The following SLC49A4 variants were observed in gnomAD, a reference collection of about 807,000 sequenced individuals.
The protein encoded by SLC49A4 is solute carrier family 49 member 4.
Under a neutral mutation model 50.6 loss-of-function variants are expected in SLC49A4, and 36 were observed. The ratio of observed to expected loss-of-function variants is 0.71; its 90% confidence interval spans 0.55 to 0.94. SLC49A4 has a LOEUF of 0.94. Ranked by LOEUF, SLC49A4 falls within the 40% of genes least tolerant of loss-of-function variation. The pLI, the probability that SLC49A4 is intolerant of heterozygous loss-of-function variation, is 0.00. For synonymous variants in SLC49A4, 248 were observed against 241.2 expected (o/e 1.03, Z -0.26); for missense variants, 503 against 605.7 (o/e 0.83, Z 1.78).
chr3:122,795,247 CTCGGGCCTGGGCTGGGG>C lies in SLC49A4; in HGVS notation c.56_72del (p.Leu19ArgfsTer120). The C allele has an allele frequency of 7.4e-7, 1 of 1,348,034 alleles. No individual in the cohort carries two copies. The highest frequency in any genetic ancestry group is 9.4e-7 in the Non-Finnish European group (1 of 1,059,284). The allele number at this position is 1,348,034 out of a possible 1,614,324, so 83.5% of individuals were successfully genotyped here. On this transcript the variant is annotated frameshift_variant, in exon 1 of 9. Coordinates refer to ENST00000261038, the MANE Select transcript of SLC49A4 (RefSeq NM_032839.3). LOFTEE classifies it high-confidence loss of function. ...GAGGCAGCCGCTGCTGGGGCCCGGG[CTCGGGCCTGGGCTGGGG>C]GCCTCCTGGAGAAGCCGGGAGGCGG...
At chr3:122,821,559 A>C (rs1936453008) in intron 2 of SLC49A4, among the ~76,000 whole-genome samples, 1 of 152,186 alleles carries the variant, frequency 6.6e-6, no homozygotes, top group Admixed American at 6.5e-5. Context: ...GTGAGGATAC[A>C]CGTGCTTTCA....
intron 7 of SLC49A4, among the ~76,000 whole-genome samples, chr3:122,862,385 A>G (rs183405267): frequency 1.3e-4 from 20 of 152,326 alleles, no homozygotes; most frequent in Non-Finnish European, 1.9e-4. Context: ...TTCTCTGTAC[A>G]CATGCTTTGC....
intron 7 of SLC49A4, among the ~76,000 whole-genome samples, chr3:122,870,885 T>C (rs1937190133): frequency 6.6e-6 from 1 of 151,734 alleles, no homozygotes; most frequent in Non-Finnish European, 1.5e-5. Flanking sequence ...CAATACTCTA[T>C]AGAAGCCACC....
intron 4 of SLC49A4, among the ~76,000 whole-genome samples, chr3:122,836,620 G>C (rs1273942386): frequency 6.6e-6 from 1 of 151,876 alleles, no homozygotes; most frequent in Non-Finnish European, 1.5e-5. Flanking sequence ...GAATCCATCT[G>C]GTCCTAGGAG....
chr3:122,848,017 G>A (rs1048346984), intron 5 of SLC49A4, among the ~76,000 whole-genome samples: 1 of 152,208 alleles, frequency 6.6e-6, no homozygotes, highest in African/African-American at 2.4e-5. Flanking sequence ...CACTTTTCAA[G>A]TGCGGGATAG....
rs1164497683 is a variant in SLC49A4, at chr3:122,795,349, C to A, written c.157C>A (p.Leu53Met). ...CGGGCGGGTATACGGGCGCCGCTGG[C>A]TGGTGCTGCTGCTCTTCTCGCTGCT... ...GPGRVYGRRW[L>M]VLLLFSLLAF... Residue 53 changes from leucine to methionine, a missense_variant, in exon 1 of 9, where the codon CTG becomes ATG. By Grantham distance (15) the Leu-to-Met change is conservative. Coordinates refer to ENST00000261038, the MANE Select transcript of SLC49A4 (RefSeq NM_032839.3). The A allele has an allele frequency of 6.4e-7, 1 of 1,572,676 alleles. No homozygotes were observed. Among genetic ancestry groups the A allele is most frequent in the African/African-American group, 1.4e-5 (1 of 71,640 alleles).
intron 1 of SLC49A4, among the ~76,000 whole-genome samples, chr3:122,803,062 A>G (rs1262293319): frequency 2.6e-5 from 4 of 152,188 alleles, no homozygotes; most frequent in Non-Finnish European, 5.9e-5. Flanking sequence ...TTCCAAATTT[A>G]ATGACTTCTA....
intron 2 of SLC49A4, among the ~76,000 whole-genome samples, chr3:122,821,477 A>G (rs569698759): frequency 6.6e-5 from 10 of 152,358 alleles, no homozygotes; most frequent in Admixed American, 6.5e-4. Context: ...AGGAGGAGGC[A>G]CACATCTGCT....
At chr3:122,814,847 G>A in intron 2 of SLC49A4, among the ~76,000 whole-genome samples, 1 of 151,492 alleles carries the variant, frequency 6.6e-6, no homozygotes, top group South Asian at 2.1e-4. Flanking sequence ...TATTTTATGT[G>A]TGGCCCAAGA....
At chr3:122,842,464 C>T (rs897670180) in intron 4 of SLC49A4, among the ~76,000 whole-genome samples, 9 of 107,986 alleles carry the variant, frequency 8.3e-5, no homozygotes, top group African/African-American at 2.2e-4. Flanking sequence ...CCAGCCTGGG[C>T]GACAGAGCGA....
intron 2 of SLC49A4, among the ~76,000 whole-genome samples, chr3:122,822,729 T>C (rs1415879869): frequency 6.6e-6 from 1 of 152,190 alleles, no homozygotes; most frequent in Non-Finnish European, 1.5e-5. Flanking sequence ...TTCTCAATCA[T>C]CTTGCTCGAC....
chr3:122,862,440 A>G (rs902090214), intron 7 of SLC49A4, among the ~76,000 whole-genome samples: 1 of 152,224 alleles, frequency 6.6e-6, no homozygotes, highest in African/African-American at 2.4e-5. Flanking sequence ...TACAGAGTAA[A>G]ATACTGTGCA....
chr3:122,858,629 AC>A (rs1479438538), intron 6 of SLC49A4, among the ~76,000 whole-genome samples: 2 of 152,226 alleles, frequency 1.3e-5, no homozygotes, highest in Non-Finnish European at 2.9e-5. Flanking sequence ...TCAAATAAGT[AC>A]AAAACAGAAG....
rs145505228 is a variant in SLC49A4, at chr3:122,813,228, G to A, written c.437+6278G>A. ...TGCACTCTACCCTGGGCGATAGAGC[G>A]AGACTCTGTCTCAAAAAAAAAAAAA... On this transcript the variant is annotated intron_variant, in intron 2 of 8. Transcript: ENST00000261038. Among the ~76,000 whole-genome samples the A allele has an allele frequency of 8.2e-3, 1,206 of 147,562 alleles. 9 individuals are homozygous for A. Among genetic ancestry groups the A allele is most frequent in the African/African-American group, 0.026 (1,054 of 39,900 alleles).
chr3:122,866,734 G>A (rs1042735485), intron 7 of SLC49A4, among the ~76,000 whole-genome samples: 2 of 151,126 alleles, frequency 1.3e-5, no homozygotes, highest in African/African-American at 2.4e-5. Context: ...CCCATTCTTA[G>A]GACCATTCCT....
intron 4 of SLC49A4, among the ~76,000 whole-genome samples, chr3:122,844,897 A>C (rs557353893): frequency 6.6e-6 from 1 of 152,124 alleles, no homozygotes; most frequent in East Asian, 1.9e-4. Flanking sequence ...ATACCTGTAC[A>C]TACACATATT....
chr3:122,857,084 T>C (rs1431863935), intron 6 of SLC49A4, among the ~76,000 whole-genome samples: 1 of 152,078 alleles, frequency 6.6e-6, no homozygotes, highest in Non-Finnish European at 1.5e-5. Context: ...AATAGAACTT[T>C]CCATGAACAG....
chr3:122,858,334 T>C (rs1260267252), intron 6 of SLC49A4, among the ~76,000 whole-genome samples: 1 of 152,228 alleles, frequency 6.6e-6, no homozygotes, highest in East Asian at 1.9e-4. Flanking sequence ...TATTCTCTTA[T>C]ACCTTGTCAT....
At chr3:122,801,714 A>G (rs1936136240) in intron 1 of SLC49A4, among the ~76,000 whole-genome samples, 1 of 152,236 alleles carries the variant, frequency 6.6e-6, no homozygotes, top group African/African-American at 2.4e-5. Flanking sequence ...CCATGGAACA[A>G]GAGGTCAGAG....
Sources: allele counts gnomAD v4.1 joint callset (sites outside exome capture counted in the v4.1 genomes callset), GRCh38; gene constraint gnomAD v4.1.1; transcripts MANE v1.5; gene names NCBI Gene and HGNC (gene_info 2026-07-23, HGNC 2026-07-21).